The following ABL2 variants were observed in gnomAD, a reference collection of about 807,000 sequenced individuals.
The protein encoded by ABL2 is ABL proto-oncogene 2, non-receptor tyrosine kinase, also known as tyrosine-protein kinase ABL2.
A neutral mutation model predicts 107.7 loss-of-function variants in ABL2; 49 were observed. That is an observed-to-expected ratio of 0.45 (90% CI 0.36 to 0.58). ABL2 has a LOEUF of 0.58. ABL2 is among the 20% of genes least tolerant of loss of function. ABL2 has a pLI of 0.00. For synonymous variants in ABL2, 549 were observed against 548.6 expected (o/e 1.00, Z -0.01); for missense variants, 1,245 against 1,457.0 (o/e 0.85, Z 2.37).
intron 1 of ABL2, chr1:179,202,038 C>A (rs72709483): frequency 7.5e-5 from 34 of 453,006 alleles, no homozygotes; most frequent in Non-Finnish European, 8.6e-5. Flanking sequence ...ATTTTTTTTT[C>A]TTTGAATAAA....
Position 179,188,407 on chromosome 1 carries a change from C to T in ABL2, c.157+40834G>A, listed in dbSNP as rs184275889. On this transcript the variant is annotated intron_variant, in intron 1 of 11. Coordinates refer to ENST00000502732, the MANE Select transcript of ABL2 (RefSeq NM_007314.4). Reference sequence around the variant, plus strand: ...CAATACAAAAAAAAAAATAGCGGGACGTGGTGGCACACGTCTGTCATCCCA... The same window carrying T: ...CAATACAAAAAAAAAAATAGCGGGATGTGGTGGCACACGTCTGTCATCCCA... 2.6e-3 allele frequency among the ~76,000 whole-genome samples: 392 copies of T among 151,910 alleles called. 2 individuals are homozygous for T. The highest frequency in any genetic ancestry group is 0.014 in the Middle Eastern group (4 of 292).
intron 1 of ABL2, among the ~76,000 whole-genome samples, chr1:179,223,412 CA>C (rs34625592): frequency 7.1e-4 from 94 of 132,354 alleles, no homozygotes; most frequent in Non-Finnish European, 7.2e-4. Flanking sequence ...GACCCTGTCT[CA>C]AAAAAAAAAA....
At chr1:179,172,043 A>G (rs950091467) in intron 1 of ABL2, among the ~76,000 whole-genome samples, 7 of 152,232 alleles carry the variant, frequency 4.6e-5, no homozygotes, top group Admixed American at 4.6e-4. Flanking sequence ...GTCCTTACTG[A>G]AGGTAGTCAC....
At chr1:179,119,733 T>C (rs1319682565) in intron 6 of ABL2, among the ~76,000 whole-genome samples, 1 of 152,138 alleles carries the variant, frequency 6.6e-6, no homozygotes, top group Non-Finnish European at 1.5e-5. Flanking sequence ...CAGTCCTTTG[T>C]TTAATGTCTC....
chr1:179,227,661 T>C (rs951316865), intron 1 of ABL2, among the ~76,000 whole-genome samples: 2 of 152,174 alleles, frequency 1.3e-5, no homozygotes, highest in African/African-American at 4.8e-5. Flanking sequence ...CATTCTTCCA[T>C]CCTGTGTTTT....
chr1:179,121,915 A>ATTTTT lies in ABL2; in HGVS notation c.688-53_688-49dup, dbSNP rs71108094. ...TAAACAACTTGAAAAGAGATTAAGA[A>ATTTTT]TTTTTTTTTTTTTTTTTTTTTTTTT... is the stretch of plus-strand genomic sequence containing the variant. On this transcript the variant is annotated intron_variant, in intron 4 of 11. Transcript: ENST00000502732. The ATTTTT allele has an allele frequency of 2.3e-5, 16 of 694,350 alleles. No homozygotes were observed. The African/African-American group carries it at 3.2e-4, about 14-fold the overall frequency. 43.0% of individuals were successfully genotyped at this position (694,350 alleles called of 1,614,324 possible).
intron 1 of ABL2, among the ~76,000 whole-genome samples, chr1:179,181,804 A>C (rs940571810): frequency 2.6e-5 from 4 of 151,820 alleles, no homozygotes; most frequent in African/African-American, 9.7e-5. Context: ...TTTTTGAGAC[A>C]GAGTCTCACT....
chr1:179,121,841 G>A lies in ABL2; in HGVS notation c.714C>T (p.Phe238=). 1 of 1,612,398 alleles carries A rather than the reference G, an allele frequency of 6.2e-7. No homozygotes were observed. ...GGTGTACAAGCTCTGCCAAGGTGCT[G>A]AAGCGGCTCTCAGCAGTCACATACA... ...GKVYVTAESR[F]STLAELVHHH... The change falls in exon 5 of 12, where the codon TTC becomes TTT. Residue 238 remains phenylalanine, a synonymous_variant. Transcript: ENST00000502732.
At chr1:179,177,962 A>G (rs577756136) in intron 1 of ABL2, among the ~76,000 whole-genome samples, 1 of 152,356 alleles carries the variant, frequency 6.6e-6, no homozygotes, top group South Asian at 2.1e-4. Context: ...ACATTCTGCT[A>G]TGTATTTAAG....
At chr1:179,176,090 A>G (rs187047890) in intron 1 of ABL2, among the ~76,000 whole-genome samples, 376 of 152,044 alleles carry the variant, frequency 2.5e-3, no homozygotes, top group African/African-American at 8.3e-3. Flanking sequence ...CCTGACCTCA[A>G]GTGACCCGCC....
At chr1:179,145,894 C>T (rs1657951721) in intron 1 of ABL2, among the ~76,000 whole-genome samples, 1 of 73,368 alleles carries the variant, frequency 1.4e-5, no homozygotes, top group South Asian at 4.8e-4. Flanking sequence ...GTCTGATCTC[C>T]ATTTTTTTTT....
chr1:179,122,428 C>G (rs1449322285), intron 4 of ABL2, among the ~76,000 whole-genome samples: 1 of 151,936 alleles, frequency 6.6e-6, no homozygotes. Flanking sequence ...AAGAGTTTAT[C>G]TTAATTGAGG....
Position 179,225,279 on chromosome 1 carries a change from A to C in ABL2, c.157+3962T>G, listed in dbSNP as rs538759297. 5.9e-4 allele frequency among the ~76,000 whole-genome samples: 90 copies of C among 152,308 alleles called. 1 individual carries two copies. Among genetic ancestry groups the C allele is most frequent in the Middle Eastern group, 3.4e-3 (1 of 294 alleles). Reference sequence around the variant, plus strand: ...GATAAACCATTTCCATAATGTATGTACCTTTTTACTGATTAACTAAATGTA... The same window carrying C: ...GATAAACCATTTCCATAATGTATGTCCCTTTTTACTGATTAACTAAATGTA... On this transcript the variant is annotated intron_variant, in intron 1 of 11. Transcript: ENST00000502732.
At chr1:179,170,332 C>G (rs1274734600) in intron 1 of ABL2, among the ~76,000 whole-genome samples, 1 of 152,168 alleles carries the variant, frequency 6.6e-6, no homozygotes, top group Admixed American at 6.5e-5. Flanking sequence ...ACGTTTCCAA[C>G]ATGCAAGCTT....
intron 8 of ABL2, among the ~76,000 whole-genome samples, chr1:179,116,510 T>C (rs1341473112): frequency 6.6e-6 from 1 of 151,742 alleles, no homozygotes; most frequent in Non-Finnish European, 1.5e-5. Flanking sequence ...CTTTCTTCTT[T>C]CTTTTTTTTT....
chr1:179,164,068 G>A (rs551359732), intron 1 of ABL2, among the ~76,000 whole-genome samples: 4 of 152,276 alleles, frequency 2.6e-5, no homozygotes, highest in African/African-American at 9.6e-5. Flanking sequence ...GACTACAGAG[G>A]GATTGCATGA....
chr1:179,186,772 T>G (rs1255233558), intron 1 of ABL2, among the ~76,000 whole-genome samples: 1 of 152,188 alleles, frequency 6.6e-6, no homozygotes, highest in African/African-American at 2.4e-5. Flanking sequence ...AGTCTCGTTC[T>G]GTCACTCAGG....
intron 1 of ABL2, chr1:179,202,068 AG>A (rs528101100): frequency 2.0e-3 from 532 of 261,820 alleles, no homozygotes; most frequent in South Asian, 2.7e-3. Flanking sequence ...TTGAGGCAAA[AG>A]AAAAAAAAAG....
intron 1 of ABL2, among the ~76,000 whole-genome samples, chr1:179,182,378 GTA>G (rs1166074360): frequency 6.6e-6 from 1 of 152,114 alleles, no homozygotes; most frequent in African/African-American, 2.4e-5. Flanking sequence ...TGATCATACT[GTA>G]TTTCTCTAGT....
Sources: gnomAD v4.1 joint callset for allele counts (sites outside exome capture counted in the v4.1 genomes callset) on GRCh38, gnomAD v4.1.1 for gene constraint, MANE v1.5 for transcripts, NCBI Gene and HGNC (gene_info 2026-07-23, HGNC 2026-07-21) for gene names.